LRRD1: variants seen among roughly 807,000 people sequenced by gnomAD.
LRRD1 encodes leucine rich repeats and death domain containing 1, also known as leucine-rich repeat and death domain-containing protein 1.
Under a neutral mutation model 69.5 loss-of-function variants are expected in LRRD1, and 49 were observed. The observed-to-expected ratio is 0.70, with a 90% CI of 0.56 to 0.89. The LOEUF (loss-of-function observed/expected upper bound fraction) is 0.89. Ranked by LOEUF, LRRD1 falls within the 40% of genes least tolerant of loss-of-function variation. The pLI is 0.00. For missense variants in LRRD1, 853 were observed against 956.0 expected (o/e 0.89, Z 1.42); for synonymous variants, 303 against 338.9 (o/e 0.89, Z 1.16).
Position 92,165,140 on chromosome 7 carries a change from T to C in LRRD1, c.63A>G (p.Glu21=). The C allele has an allele frequency of 6.5e-7, 1 of 1,550,182 alleles. No individual in the cohort carries two copies. The highest frequency in any genetic ancestry group is 8.7e-7 in the Non-Finnish European group (1 of 1,146,576). The change falls in exon 2 of 6, where the codon GAA becomes GAG. Residue 21 remains glutamate (E), a synonymous_variant. Transcript: ENST00000458448. Reference sequence around the variant, plus strand: ...GCTCCTTCATTGACTGTGATCTAGATTCTTTCCTAAATTGACTAATAGTAT... The same window carrying C: ...GCTCCTTCATTGACTGTGATCTAGACTCTTTCCTAAATTGACTAATAGTAT... ...LEDTISQFRK[E]SRSQSMKEPG...
At chr7:92,152,455 T>C (rs1820495174) in intron 3 of LRRD1, among the ~76,000 whole-genome samples, 1 of 152,190 alleles carries the variant, frequency 6.6e-6, no homozygotes, top group South Asian at 2.1e-4. Flanking sequence ...TATACATTTG[T>C]ACTCAGTTTT....
At chr7:92,152,549 A>G (rs1329993038) in intron 3 of LRRD1, among the ~76,000 whole-genome samples, 1 of 152,202 alleles carries the variant, frequency 6.6e-6, no homozygotes, top group Non-Finnish European at 1.5e-5. Context: ...GTACAACTAT[A>G]TAAGAAACTA....
rs1428632511 is a variant in LRRD1 at position 92,164,159 on chromosome 7, T to C, written c.1044A>G (p.Leu348=). The change falls in exon 2 of 6, where the codon TTA becomes TTG. Residue 348 remains leucine (L), a synonymous_variant. Coordinates refer to ENST00000458448, the MANE Select transcript of LRRD1 (RefSeq NM_001161528.2). ...LTFLAVEIFQ[L]LKIKELQLAD... ...CCAGTTGGAGTTCTTTTATTTTGAGTAACTGAAAAATTTCTACAGCCAGAA... is the reference window on the plus strand; with the variant it reads ...CCAGTTGGAGTTCTTTTATTTTGAGCAACTGAAAAATTTCTACAGCCAGAA... 1.9e-6 allele frequency: 3 copies of C among 1,547,922 alleles called. No homozygotes were observed. The highest frequency in any genetic ancestry group is 2.6e-6 in the Non-Finnish European group (3 of 1,146,052).
chr7:92,163,371 C>T lies in LRRD1; in HGVS notation c.1832G>A (p.Ser611Asn), dbSNP rs530228292. 12 of 1,545,744 alleles carry T rather than the reference C, an allele frequency of 7.8e-6. No homozygotes were observed. Among genetic ancestry groups the T allele is most frequent in the Non-Finnish European group, 8.7e-6 (10 of 1,145,372 alleles). Residue 611 changes from serine (S) to asparagine (N), a missense_variant, in exon 2 of 6, where the codon AGC becomes AAC. Around this residue, in one of 3 missense-constraint regions of LRRD1, gnomAD observed 739 missense variants for 808.0 expected, o/e 0.91. Transcript: ENST00000458448. ...AATAGGAAAATGTATAAATTGATTG[C>T]TTGAGAAGTTTAATTTCTGGATTCC... ...LKGIQKLNFS[S>N]NQFIHFPIEL...
chr7:92,144,774 G>T, downstream of LRRD1: 1 of 555,954 alleles, frequency 1.8e-6, no homozygotes, highest in Non-Finnish European at 2.9e-6. Flanking sequence ...TCTTAAGAAT[G>T]AAAGAAAAAA....
chr7:92,175,672 C>T (rs957997290), intron 1 of LRRD1, among the ~76,000 whole-genome samples: 1 of 151,932 alleles, frequency 6.6e-6, no homozygotes, highest in African/African-American at 2.4e-5. Flanking sequence ...AACAAAAAAA[C>T]AAAAACAGAG....
chr7:92,151,994 T>G (rs937840337), intron 3 of LRRD1, among the ~76,000 whole-genome samples: 1 of 150,444 alleles, frequency 6.6e-6, no homozygotes, highest in Admixed American at 6.6e-5. Flanking sequence ...AATGAATTTG[T>G]AGTCATTTAG....
intron 4 of LRRD1, 149 bp downstream of exon 4, chr7:92,150,385 A>C (rs1820435869): frequency 1.7e-6 from 1 of 579,970 alleles, no homozygotes. Context: ...GGATCACTTG[A>C]GCCCAGGAGT....
At chr7:92,143,163 G>T (rs1284269996), downstream of LRRD1, among the ~76,000 whole-genome samples, 1 of 151,882 alleles carries the variant, frequency 6.6e-6, no homozygotes, top group East Asian at 1.9e-4. Flanking sequence ...CACCAACCCT[G>T]AGCTAGACAC....
intron 1 of LRRD1, among the ~76,000 whole-genome samples, chr7:92,174,709 T>C (rs1489026416): frequency 1.3e-5 from 2 of 148,886 alleles, no homozygotes; most frequent in Non-Finnish European, 3.0e-5. Context: ...GGTTTCACCA[T>C]GACGTCCGGT....
intron 3 of LRRD1, among the ~76,000 whole-genome samples, chr7:92,155,067 G>A (rs7801058): frequency 0.4 from 60,339 of 152,008 alleles, 12,259 homozygotes; most frequent in African/African-American, 0.45. Flanking sequence ...CGTCCTTAGC[G>A]TAGATCTTAG....
At chr7:92,161,457 T>C (rs1036567062) in intron 2 of LRRD1, among the ~76,000 whole-genome samples, 2 of 152,258 alleles carry the variant, frequency 1.3e-5, no homozygotes, top group Non-Finnish European at 2.9e-5. Context: ...GACAGGCAAG[T>C]ATGATACATG....
intron 3 of LRRD1, among the ~76,000 whole-genome samples, chr7:92,153,949 G>A (rs1788590325): frequency 6.7e-6 from 1 of 150,248 alleles, no homozygotes; most frequent in Non-Finnish European, 1.5e-5. Context: ...CGATTCTCCT[G>A]CCTCAGCCTC....
At chr7:92,177,344 A>G (rs749227468) in intron 1 of LRRD1, among the ~76,000 whole-genome samples, 9 of 152,140 alleles carry the variant, frequency 5.9e-5, no homozygotes, top group Non-Finnish European at 8.8e-5. Context: ...ATATTTTGGG[A>G]TAATGCATTC....
At chr7:92,170,759 G>GATTGAAATAAAATGC (rs1789040234) in intron 1 of LRRD1, among the ~76,000 whole-genome samples, 1 of 152,126 alleles carries the variant, frequency 6.6e-6, no homozygotes, top group East Asian at 1.9e-4. Context: ...CTTTTCATTA[G>GATTGAAATAAAATGC]CACTTGGGAC....
chr7:92,145,016 T>A lies in LRRD1; in HGVS notation c.2455A>T (p.Asn819Tyr), dbSNP rs1284350799. The A allele has an allele frequency of 2.0e-6, 3 of 1,535,174 alleles. No homozygotes were observed. The African/African-American group carries it at 4.1e-5, about 21-fold the overall frequency. ...GCAGCAGCAGTTAGTGATAACTTGT[T>A]ACTTTGTGTTTTCCATATAACAAGT... ...QALVIWKTQSNKLSLTAAALR... is the reference protein window; with the variant it reads ...QALVIWKTQSYKLSLTAAALR... Residue 819 changes from asparagine (N) to tyrosine (Y), a missense_variant, in exon 6 of 6, where the codon AAC becomes TAC. Asn to Tyr is a moderately radical substitution (Grantham distance 143). This residue lies in a region of LRRD1 where 739 missense variants were observed against 808.0 expected (regional missense o/e 0.91). Coordinates refer to ENST00000458448, the MANE Select transcript of LRRD1 (RefSeq NM_001161528.2).
chr7:92,171,188 A>T (rs2131020382), intron 1 of LRRD1, among the ~76,000 whole-genome samples: 1 of 152,268 alleles, frequency 6.6e-6, no homozygotes, highest in Admixed American at 6.5e-5. Flanking sequence ...AATAAGAAAT[A>T]TCAGAGCAGA....
chr7:92,176,528 A>T (rs1175114811), intron 1 of LRRD1, among the ~76,000 whole-genome samples: 1 of 151,328 alleles, frequency 6.6e-6, no homozygotes, highest in Non-Finnish European at 1.5e-5. Flanking sequence ...TGTTCCTTTA[A>T]TCACTGGTGT....
At chr7:92,169,507 C>T (rs1035487307) in intron 1 of LRRD1, among the ~76,000 whole-genome samples, 5 of 151,608 alleles carry the variant, frequency 3.3e-5, no homozygotes, top group East Asian at 2.0e-4. Context: ...AAAAATTAGC[C>T]GGGCGTGGTG....
Sources: gnomAD v4.1 joint callset for allele counts (sites outside exome capture counted in the v4.1 genomes callset) on GRCh38, gnomAD v4.1.1 for gene constraint, gnomAD v4.1.1 regional missense constraint, MANE v1.5 for transcripts, NCBI Gene and HGNC (gene_info 2026-07-23, HGNC 2026-07-21) for gene names.